Variants in ANKS1B observed in about 807,000 individuals in gnomAD.
ANKS1B encodes the protein ankyrin repeat and sterile alpha motif domain containing 1B, also known as ankyrin repeat and sterile alpha motif domain-containing protein 1B.
Under a neutral mutation model 148.3 loss-of-function variants are expected in ANKS1B, and 36 were observed. The observed-to-expected ratio is 0.24, with a 90% CI of 0.19 to 0.32. The LOEUF (loss-of-function observed/expected upper bound fraction) is 0.32, where lower values mean the gene tolerates loss of function less well. Among genes scored for constraint, ANKS1B ranks in the 10% least tolerant of loss-of-function variants. The pLI, the probability that ANKS1B is intolerant of heterozygous loss-of-function variation, is 1.00. For synonymous variants in ANKS1B, 542 were observed against 560.8 expected, an observed-to-expected ratio of 0.97 and a Z score of 0.47; for missense variants, 1,157 against 1,542.6, an observed-to-expected ratio of 0.75 and a Z score of 4.19.
At chr12:99,845,271 G>C (rs2153701116) in intron 1 of ANKS1B, among the ~76,000 whole-genome samples, 1 of 152,202 alleles carries the variant, frequency 6.6e-6, no homozygotes, top group African/African-American at 2.4e-5. Flanking sequence ...ACTTGAATAG[G>C]AGTGGTGAGA....
intron 14 of ANKS1B, among the ~76,000 whole-genome samples, chr12:99,224,731 T>G (rs994990108): frequency 2.6e-5 from 4 of 152,168 alleles, no homozygotes; most frequent in African/African-American, 7.2e-5. Context: ...ATCATCACTG[T>G]TATTTTAAAG....
At chr12:99,554,020 T>C (rs1287693775) in intron 9 of ANKS1B, among the ~76,000 whole-genome samples, 1 of 152,068 alleles carries the variant, frequency 6.6e-6, no homozygotes, top group East Asian at 1.9e-4. Flanking sequence ...GTAGAAACCA[T>C]GTAGAGAAAA....
Position 98,894,386 on chromosome 12 carries a change from C to G in ANKS1B, c.2779-62250G>C, listed in dbSNP as rs181383393. 2.2e-4 allele frequency among the ~76,000 whole-genome samples: 34 copies of G among 152,108 alleles called. No homozygotes were observed. In the East Asian group the frequency reaches 6.0e-3, roughly 27 times the overall value. ...GAAAGGAAATGGAAAATGCGCTTAA[C>G]CCGGGGGTGGTGGGGGAATCGATAA... On this transcript the variant is annotated intron_variant, in intron 17 of 26. Coordinates refer to ENST00000683438, the MANE Select transcript of ANKS1B (RefSeq NM_001352186.2).
At chr12:99,126,762 C>A (rs943218635) in intron 15 of ANKS1B, among the ~76,000 whole-genome samples, 1 of 152,172 alleles carries the variant, frequency 6.6e-6, no homozygotes, top group Non-Finnish European at 1.5e-5. Flanking sequence ...TATAAATGAT[C>A]TGTGCCTTGA....
intron 9 of ANKS1B, among the ~76,000 whole-genome samples, chr12:99,556,525 G>T (rs2097277853): frequency 6.6e-6 from 1 of 151,976 alleles, no homozygotes; most frequent in Non-Finnish European, 1.5e-5. Context: ...GTTCCTCTAG[G>T]TGTGATGTTA....
intron 9 of ANKS1B, among the ~76,000 whole-genome samples, chr12:99,519,676 C>T (rs1015859210): frequency 4.6e-5 from 7 of 151,952 alleles, no homozygotes; most frequent in Non-Finnish European, 7.4e-5. Flanking sequence ...TTCACCTATT[C>T]GGCCACTCTA....
chr12:99,899,265 A>C (rs1374624101), intron 1 of ANKS1B, among the ~76,000 whole-genome samples: 1 of 152,208 alleles, frequency 6.6e-6, no homozygotes, highest in East Asian at 1.9e-4. Context: ...CTGAGATTCA[A>C]AAAGCAGATG....
At chr12:99,244,290 A>C (rs2089912712) in intron 14 of ANKS1B, 52 bp downstream of exon 14, 1 of 1,250,460 alleles carries the variant, frequency 8.0e-7, no homozygotes. Flanking sequence ...TCATTTTCTC[A>C]CTACTCCTTA....
chr12:99,673,819 AG>A (rs576520990), intron 8 of ANKS1B, among the ~76,000 whole-genome samples: 120 of 151,858 alleles, frequency 7.9e-4, no homozygotes, highest in Non-Finnish European at 8.4e-4. Flanking sequence ...ATATAATTAT[AG>A]AATATGGTTA....
intron 9 of ANKS1B, among the ~76,000 whole-genome samples, chr12:99,612,362 A>G (rs2097910116): frequency 2.0e-5 from 3 of 152,192 alleles, no homozygotes; most frequent in Non-Finnish European, 1.5e-5. Flanking sequence ...TACCAGGCAC[A>G]GTTCTAAGCA....
chr12:98,962,830 A>T (rs1373477466), intron 17 of ANKS1B, among the ~76,000 whole-genome samples: 1 of 152,238 alleles, frequency 6.6e-6, no homozygotes, highest in Non-Finnish European at 1.5e-5. Flanking sequence ...ATTAAATAGT[A>T]TGCTCCTGAA....
intron 9 of ANKS1B, among the ~76,000 whole-genome samples, chr12:99,522,864 G>A (rs2096888717): frequency 6.6e-6 from 1 of 152,140 alleles, no homozygotes; most frequent in Non-Finnish European, 1.5e-5. Context: ...TTCATAAAAG[G>A]CGGGCTAACT....
intron 12 of ANKS1B, among the ~76,000 whole-genome samples, chr12:99,389,590 A>T (rs1282027550): frequency 6.6e-6 from 1 of 152,180 alleles, no homozygotes; most frequent in Non-Finnish European, 1.5e-5. Context: ...GAGATTTTTC[A>T]AGAGATATAA....
At chr12:98,955,738 C>T (rs527603510) in intron 17 of ANKS1B, among the ~76,000 whole-genome samples, 3 of 152,274 alleles carry the variant, frequency 2.0e-5, no homozygotes, top group Admixed American at 2.0e-4. Context: ...ATGCAGCTGC[C>T]ATCAAGTGAG....
intron 11 of ANKS1B, among the ~76,000 whole-genome samples, chr12:99,429,625 T>G (rs547831675): frequency 6.6e-6 from 1 of 152,316 alleles, no homozygotes; most frequent in South Asian, 2.1e-4. Context: ...ATTATCTGAT[T>G]TTGATGTTTG....
chr12:98,921,094 C>G (rs967346362), intron 17 of ANKS1B, among the ~76,000 whole-genome samples: 1 of 152,094 alleles, frequency 6.6e-6, no homozygotes, highest in Non-Finnish European at 1.5e-5. Flanking sequence ...CTTCTTTTCC[C>G]TGTCATCCTT....
chr12:99,398,262 C>T (rs1207224720), intron 12 of ANKS1B, among the ~76,000 whole-genome samples: 1 of 151,938 alleles, frequency 6.6e-6, no homozygotes, highest in East Asian at 1.9e-4. Context: ...AGCTTTATTC[C>T]TAGGGAAAAG....
intron 14 of ANKS1B, among the ~76,000 whole-genome samples, chr12:99,192,231 G>C (rs959738464): frequency 1.3e-5 from 2 of 149,094 alleles, no homozygotes; most frequent in Non-Finnish European, 3.0e-5. Flanking sequence ...CATTGGCTTT[G>C]ATACAAATTT....
intron 12 of ANKS1B, among the ~76,000 whole-genome samples, chr12:99,384,770 T>C (rs1401531592): frequency 2.0e-5 from 3 of 152,226 alleles, no homozygotes; most frequent in African/African-American, 7.2e-5. Flanking sequence ...ACCAGATTTA[T>C]GTGCTCCTAT....
Sources: gnomAD v4.1 joint callset for allele counts (sites outside exome capture counted in the v4.1 genomes callset) on GRCh38, gnomAD v4.1.1 for gene constraint, MANE v1.5 for transcripts, NCBI Gene and HGNC (gene_info 2026-07-23, HGNC 2026-07-21) for gene names.